SYNJ1: variants seen among roughly 807,000 people sequenced by gnomAD.
SYNJ1 encodes polyphosphatidylinositol phosphatase SYNJ1.
A neutral mutation model predicts 168.2 loss-of-function variants in SYNJ1; 78 were observed. The observed-to-expected ratio is 0.46, with a 90% CI of 0.39 to 0.56. The LOEUF (loss-of-function observed/expected upper bound fraction) is 0.56, where lower values mean the gene tolerates loss of function less well. SYNJ1 is among the 20% of genes least tolerant of loss of function. The pLI, the probability that SYNJ1 is intolerant of heterozygous loss-of-function variation, is 0.00. For missense variants in SYNJ1, 1,303 were observed against 1,597.6 expected, an observed-to-expected ratio of 0.82 and a Z score of 3.14; for synonymous variants, 539 against 548.6, an observed-to-expected ratio of 0.98 and a Z score of 0.24.
rs1022674241 is a variant in SYNJ1, at chr21:32,679,510, C to T, written c.1354-709G>A. Among the ~76,000 whole-genome samples the T allele has an allele frequency of 2.0e-5, 3 of 151,990 alleles. No individual in the cohort carries two copies. In the South Asian group the frequency reaches 6.2e-4, roughly 31 times the overall value. Reference sequence around the variant, plus strand: ...ATATTTTACTTAGGCATGTTAGTTACCATAATGATTTATTTTGATCTTACA... The same window carrying T: ...ATATTTTACTTAGGCATGTTAGTTATCATAATGATTTATTTTGATCTTACA... On this transcript the variant is annotated intron_variant, in intron 11 of 32. Coordinates refer to ENST00000674351, the MANE Select transcript of SYNJ1 (RefSeq NM_203446.3).
At chr21:32,693,044 TATAA>T (rs1377197786) in intron 6 of SYNJ1, among the ~76,000 whole-genome samples, 2 of 151,388 alleles carry the variant, frequency 1.3e-5, no homozygotes, top group African/African-American at 2.4e-5. Context: ...TAAATAAATA[TATAA>T]ATAAATAAAT....
intron 5 of SYNJ1, 127 bp from the exon 6 acceptor site, chr21:32,694,438 T>C: frequency 1.4e-6 from 1 of 691,792 alleles, no homozygotes. Context: ...TCATATACAA[T>C]TGTCCAAAAC....
At chr21:32,701,069 T>C (rs2042382853) in intron 3 of SYNJ1, among the ~76,000 whole-genome samples, 1 of 152,214 alleles carries the variant, frequency 6.6e-6, no homozygotes, top group Non-Finnish European at 1.5e-5. Flanking sequence ...TTTCAGTATG[T>C]AGCATAACGA....
chr21:32,660,543 CTGGGAGTTATACA>C (rs2040651299), intron 18 of SYNJ1, among the ~76,000 whole-genome samples: 2 of 152,260 alleles, frequency 1.3e-5, no homozygotes, highest in Non-Finnish European at 2.9e-5. Flanking sequence ...CATCAGCAGA[CTGGGAGTTATACA>C]TGGACGGGAG....
intron 4 of SYNJ1, among the ~76,000 whole-genome samples, chr21:32,699,224 G>C (rs1225233282): frequency 6.6e-6 from 1 of 152,126 alleles, no homozygotes; most frequent in African/African-American, 2.4e-5. Context: ...GAAAGGAGTG[G>C]GCTGACCCTG....
chr21:32,704,412 C>T (rs537492412), intron 2 of SYNJ1, among the ~76,000 whole-genome samples: 24 of 152,316 alleles, frequency 1.6e-4, no homozygotes, highest in South Asian at 1.2e-3. Flanking sequence ...ATCTGAAGGA[C>T]AGTAGATGTT....
Position 32,645,791 on chromosome 21 carries a change from TA to T in SYNJ1, c.3248-3del. 6.7e-7 allele frequency: 1 copy of T among 1,482,180 alleles called. No individual in the cohort carries two copies. 91.8% of individuals were successfully genotyped at this position (1,482,180 alleles called of 1,614,324 possible). ...CTGGCTGCGCGTCAATAGGAGAACCTAAAAAGCGCACAGGAGGTAAGAAGAT... is the reference window on the plus strand; with the variant it reads ...CTGGCTGCGCGTCAATAGGAGAACCTAAAAGCGCACAGGAGGTAAGAAGAT... On this transcript the variant is annotated splice_region_variant and splice_polypyrimidine_tract_variant and intron_variant, in intron 24 of 32. Transcript: ENST00000674351.
chr21:32,702,292 T>C (rs888650279), intron 2 of SYNJ1, among the ~76,000 whole-genome samples: 7 of 152,242 alleles, frequency 4.6e-5, no homozygotes, highest in African/African-American at 1.7e-4. Context: ...TACCCTTTTA[T>C]TCTTGACAGA....
Position 32,630,182 on chromosome 21 carries a change from C to A in SYNJ1, c.*1623G>T. On this transcript the variant is annotated 3_prime_UTR_variant, in exon 33 of 33. Coordinates refer to ENST00000674351, the MANE Select transcript of SYNJ1 (RefSeq NM_203446.3). ...GAATATCCATCCACTTGACAGTGAC[C>A]ACAAAATAGGCTGTTTCCAGCTGCA... is the stretch of plus-strand genomic sequence containing the variant. 6.6e-6 allele frequency: 1 copy of A among 152,282 alleles called. No individual in the cohort carries two copies. 9.4% of individuals were successfully genotyped at this position (152,282 alleles called of 1,614,324 possible). A position where few individuals can be genotyped will look rare whatever the true frequency, so the allele number is the denominator to read the frequency against.
At chr21:32,678,393 T>C (rs1187580754) in intron 12 of SYNJ1, among the ~76,000 whole-genome samples, 2 of 152,196 alleles carry the variant, frequency 1.3e-5, no homozygotes, top group East Asian at 3.8e-4. Flanking sequence ...GCTTAATTAT[T>C]TACCCCTCAA....
At position 32,645,700 on chromosome 21, in the gene SYNJ1, G is replaced by A. The variant is rs2040032368; in HGVS notation, c.3337C>T (p.Pro1113Ser). The A allele has an allele frequency of 4.0e-6, 6 of 1,483,366 alleles. No homozygotes were observed. The highest frequency in any genetic ancestry group is 5.4e-6 in the Non-Finnish European group (6 of 1,120,186). 91.9% of individuals were successfully genotyped at this position (1,483,366 alleles called of 1,614,324 possible). A position where few individuals can be genotyped will look rare whatever the true frequency, so the allele number is the denominator to read the frequency against. The change falls in exon 25 of 33, where the codon CCG becomes TCG. Residue 1113 changes from proline (P) to serine (S), a missense_variant. Pro to Ser is a moderately conservative substitution (Grantham distance 74). Around this residue, in one of 2 missense-constraint regions of SYNJ1, gnomAD observed 383 missense variants for 388.8 expected, o/e 0.99. Transcript: ENST00000674351. ...LEPKRPPPPR[P>S]VAPPTRPAPP... The stretch of plus-strand genomic sequence containing the variant: ...GCCGGGCGTGTGGGAGGGGCGACCG[G>A]GCGGGGCGGCGGCGGCCGCTTGGGC...
At chr21:32,728,164 A>T, upstream of SYNJ1, 1 of 1,194,524 alleles carries the variant, frequency 8.4e-7, no homozygotes, top group Non-Finnish European at 1.1e-6. Flanking sequence ...CCCCAGCCTC[A>T]GTCTCCAGCT....
chr21:32,685,833 C>T lies in SYNJ1; in HGVS notation c.1033G>A (p.Glu345Lys). 1 of 1,613,146 alleles carries T rather than the reference C, an allele frequency of 6.2e-7. No individual in the cohort carries two copies. The highest frequency in any genetic ancestry group is 8.5e-7 in the Non-Finnish European group (1 of 1,179,598). ...GGTTTAAGAACACTATGTAATTTTT[C>T]TGCCTTTCCTCCCTTAACCATTTGA... is the stretch of plus-strand genomic sequence containing the variant. Reference protein sequence around the residue: ...YHQMVKGGKAEKLHSVLKPQV... With the variant: ...YHQMVKGGKAKKLHSVLKPQV... The change falls in exon 9 of 33, where the codon GAA (glutamate) becomes AAA (lysine). Residue 345 changes from glutamate (E) to lysine (K), a missense_variant. Transcript: ENST00000674351.
intron 2 of SYNJ1, among the ~76,000 whole-genome samples, chr21:32,707,163 C>T (rs2042639709): frequency 6.6e-6 from 1 of 152,086 alleles, no homozygotes; most frequent in African/African-American, 2.4e-5. Context: ...AATTAAAACA[C>T]CACTTCCCTT....
chr21:32,726,890 C>T lies in SYNJ1; in HGVS notation c.6G>A (p.Ala2=), dbSNP rs61750221. Residue 2 remains alanine, a synonymous_variant, in exon 2 of 33, where the codon GCG becomes GCA. Transcript: ENST00000674351. ...GATAGATCCGGAATCCTTTACTGAA[C>T]GCCATTCTCCTTTCTTCGGAGGCAG... M[A]FSKGFRIYHK... is the part of the protein sequence containing the mutation. 8.6e-3 allele frequency: 13,912 copies of T among 1,614,054 alleles called. 92 individuals carry two copies. Among genetic ancestry groups the T allele is most frequent in the Non-Finnish European group, 0.011 (12,505 of 1,179,994 alleles).
intron 2 of SYNJ1, among the ~76,000 whole-genome samples, chr21:32,717,094 G>T (rs62214441): frequency 1.9e-3 from 289 of 152,064 alleles, no homozygotes; most frequent in Non-Finnish European, 2.9e-3. Flanking sequence ...CGAGTAGCTG[G>T]GATTACAGGT....
At chr21:32,688,254 C>T (rs2041898781) in intron 7 of SYNJ1, 52 bp downstream of exon 7, 2 of 1,518,032 alleles carry the variant, frequency 1.3e-6, no homozygotes, top group African/African-American at 2.8e-5. Context: ...TACAAGCAGT[C>T]CCACTGCTTA....
At chr21:32,673,289 A>G (rs1481118884) in intron 14 of SYNJ1, 51 bp downstream of exon 14, 5 of 1,537,896 alleles carry the variant, frequency 3.3e-6, no homozygotes, top group African/African-American at 1.4e-5. Context: ...TTCTAGATCA[A>G]TACAACACAG....
intron 18 of SYNJ1, among the ~76,000 whole-genome samples, chr21:32,661,140 G>T (rs1407706322): frequency 6.6e-6 from 1 of 152,202 alleles, no homozygotes; most frequent in African/African-American, 2.4e-5. Flanking sequence ...TGCCACAGTT[G>T]CTGAGAGCCA....
Sources: allele counts gnomAD v4.1 joint callset (sites outside exome capture counted in the v4.1 genomes callset), GRCh38; gene constraint gnomAD v4.1.1; regional missense constraint gnomAD v4.1.1; transcripts MANE v1.5; gene names NCBI Gene and HGNC (gene_info 2026-07-23, HGNC 2026-07-21).